The following MYO1D variants were observed in gnomAD, a reference collection of about 807,000 sequenced individuals.
The protein encoded by MYO1D is myosin ID, also known as unconventional myosin-Id.
Under a neutral mutation model 122.0 loss-of-function variants are expected in MYO1D, and 83 were observed. The observed-to-expected ratio is 0.68, with a 90% CI of 0.57 to 0.82. The LOEUF is 0.82. Among genes scored for constraint, MYO1D ranks in the 40% least tolerant of loss-of-function variants. MYO1D has a pLI of 0.00. For synonymous variants in MYO1D, 464 were observed against 446.9 expected, an observed-to-expected ratio of 1.04 and a Z score of -0.48; for missense variants, 1,157 against 1,269.5, an observed-to-expected ratio of 0.91 and a Z score of 1.35.
intron 1 of MYO1D, among the ~76,000 whole-genome samples, chr17:32,841,180 T>C (rs185552761): frequency 5.9e-5 from 9 of 152,176 alleles, no homozygotes; most frequent in East Asian, 1.9e-4. Context: ...TGTAACCCCA[T>C]TGTAGGCCAG....
intron 1 of MYO1D, among the ~76,000 whole-genome samples, chr17:32,815,070 C>G (rs909904964): frequency 6.6e-6 from 1 of 152,178 alleles, no homozygotes; most frequent in Non-Finnish European, 1.5e-5. Context: ...GGAGGATGTG[C>G]CTCCAAAGAA....
intron 21 of MYO1D, among the ~76,000 whole-genome samples, chr17:32,506,780 T>C (rs1481516862): frequency 6.6e-6 from 1 of 152,176 alleles, no homozygotes; most frequent in African/African-American, 2.4e-5. Flanking sequence ...ATAAATCAAA[T>C]ACTAATCAAA....
At chr17:32,855,949 GT>G (rs1414789931) in intron 1 of MYO1D, among the ~76,000 whole-genome samples, 1 of 152,074 alleles carries the variant, frequency 6.6e-6, no homozygotes. Context: ...TTATTCCCTT[GT>G]TCTTCTTTTA....
intron 21 of MYO1D, among the ~76,000 whole-genome samples, chr17:32,579,894 T>C (rs576371298): frequency 9.2e-5 from 14 of 152,390 alleles, no homozygotes; most frequent in Admixed American, 3.3e-4. Flanking sequence ...CCAATGCTAA[T>C]GGACATTTGG....
At chr17:32,820,882 CTTTTA>C (rs1353386085) in intron 1 of MYO1D, among the ~76,000 whole-genome samples, 2 of 151,908 alleles carry the variant, frequency 1.3e-5, no homozygotes, top group African/African-American at 2.4e-5. Flanking sequence ...TTTTCTTTAA[CTTTTA>C]TTTTAAGTTA....
intron 17 of MYO1D, among the ~76,000 whole-genome samples, chr17:32,657,159 A>G (rs1183572595): frequency 2.6e-5 from 4 of 152,264 alleles, no homozygotes; most frequent in African/African-American, 9.6e-5. Flanking sequence ...AGAAAGCTCA[A>G]TTAAAAAGAA....
At chr17:32,635,205 CAAGA>C (rs565145994) in intron 20 of MYO1D, among the ~76,000 whole-genome samples, 41 of 152,102 alleles carry the variant, frequency 2.7e-4, no homozygotes, top group African/African-American at 9.9e-4. Flanking sequence ...TGCTGTCTAG[CAAGA>C]AAGAAGTAAC....
At chr17:32,513,710 C>T (rs1909780786) in intron 21 of MYO1D, among the ~76,000 whole-genome samples, 1 of 152,146 alleles carries the variant, frequency 6.6e-6, no homozygotes, top group African/African-American at 2.4e-5. Flanking sequence ...TATTAAGTGA[C>T]AGCAAATAAA....
intron 20 of MYO1D, among the ~76,000 whole-genome samples, chr17:32,625,496 C>T (rs953152033): frequency 1.3e-5 from 2 of 152,102 alleles, no homozygotes; most frequent in African/African-American, 4.8e-5. Context: ...ATTTAAGAAA[C>T]ACCTGGCATG....
chr17:32,797,629 T>C (rs1344625169), intron 1 of MYO1D, among the ~76,000 whole-genome samples: 1 of 152,190 alleles, frequency 6.6e-6, no homozygotes, highest in East Asian at 1.9e-4. Context: ...TCTATGTACA[T>C]ATAGAAAAAA....
chr17:32,622,015 C>A (rs1373489218), intron 20 of MYO1D, among the ~76,000 whole-genome samples: 1 of 152,164 alleles, frequency 6.6e-6, no homozygotes, highest in Admixed American at 6.5e-5. Context: ...TTAAGCCACT[C>A]GGTCTGTGGT....
At chr17:32,836,514 G>A (rs1404930323) in intron 1 of MYO1D, among the ~76,000 whole-genome samples, 1 of 152,290 alleles carries the variant, frequency 6.6e-6, no homozygotes, top group East Asian at 1.9e-4. Context: ...TGCCTTCTAT[G>A]ACGATCAGTC....
At chr17:32,743,868 T>G (rs941349198) in intron 13 of MYO1D, among the ~76,000 whole-genome samples, 12 of 151,708 alleles carry the variant, frequency 7.9e-5, no homozygotes, top group Admixed American at 7.9e-4. Context: ...TCTGCCCGCC[T>G]CAGGCTCCCA....
At chr17:32,642,504 C>T (rs1173091395) in intron 19 of MYO1D, among the ~76,000 whole-genome samples, 2 of 152,276 alleles carry the variant, frequency 1.3e-5, no homozygotes, top group African/African-American at 4.8e-5. Flanking sequence ...GGCACTGAAT[C>T]TATAAATTAC....
chr17:32,528,443 ATG>A (rs891974954), intron 21 of MYO1D, among the ~76,000 whole-genome samples: 6 of 151,872 alleles, frequency 4.0e-5, no homozygotes, highest in African/African-American at 1.5e-4. Flanking sequence ...GGGTGTGTAT[ATG>A]TGTGTGTGCG....
In MYO1D at chr17:32,527,995, G is replaced by T. The variant is rs529441924; in HGVS notation, c.2865-33080C>A. On this transcript the variant is annotated intron_variant, in intron 21 of 21. Coordinates refer to ENST00000318217, the MANE Select transcript of MYO1D (RefSeq NM_015194.3). ...CTGGAATTACAGGCGCCCGCCACCAGGCCTGGCTAATTTTTGTATTTTTCT... is the reference window on the plus strand; with the variant it reads ...CTGGAATTACAGGCGCCCGCCACCATGCCTGGCTAATTTTTGTATTTTTCT... 3.3e-5 allele frequency among the ~76,000 whole-genome samples: 5 copies of T among 152,194 alleles called. No homozygotes were observed. The East Asian group carries it at 9.7e-4, about 29-fold the overall frequency.
At chr17:32,784,885 G>A (rs1327753611) in intron 1 of MYO1D, among the ~76,000 whole-genome samples, 1 of 152,154 alleles carries the variant, frequency 6.6e-6, no homozygotes, top group Non-Finnish European at 1.5e-5. Context: ...AGAAGGCTGT[G>A]TTAAGGAATG....
chr17:32,553,103 CA>C (rs66479224), intron 21 of MYO1D, among the ~76,000 whole-genome samples: 25 of 133,290 alleles, frequency 1.9e-4, no homozygotes, highest in South Asian at 1.8e-3. Flanking sequence ...AAAAACAAAA[CA>C]AAAAAAAAAA....
chr17:32,685,588 T>G (rs2088994355), intron 16 of MYO1D, among the ~76,000 whole-genome samples: 1 of 152,186 alleles, frequency 6.6e-6, no homozygotes, highest in African/African-American at 2.4e-5. Context: ...TTCCCCTAAA[T>G]AAAAAATCCT....
Sources: gnomAD v4.1 joint callset for allele counts (sites outside exome capture counted in the v4.1 genomes callset) on GRCh38, gnomAD v4.1.1 for gene constraint, MANE v1.5 for transcripts, NCBI Gene and HGNC (gene_info 2026-07-23, HGNC 2026-07-21) for gene names.